Variants in EPB41L3 observed in about 807,000 individuals in gnomAD.
EPB41L3 encodes erythrocyte membrane protein band 4.1 like 3.
A neutral mutation model predicts 127.1 loss-of-function variants in EPB41L3; 57 were observed. The observed-to-expected ratio is 0.45, with a 90% CI of 0.36 to 0.56. The LOEUF (loss-of-function observed/expected upper bound fraction) is 0.56. Among genes scored for constraint, EPB41L3 ranks in the 20% least tolerant of loss-of-function variants. The pLI is 0.00. For synonymous variants in EPB41L3, 572 were observed against 549.5 expected, an observed-to-expected ratio of 1.04 and a Z score of -0.57; for missense variants, 1,273 against 1,372.2, an observed-to-expected ratio of 0.93 and a Z score of 1.14.
chr18:5,467,855 G>T (rs1255925466), intron 3 of EPB41L3, among the ~76,000 whole-genome samples: 1 of 152,182 alleles, frequency 6.6e-6, no homozygotes, highest in Non-Finnish European at 1.5e-5. Flanking sequence ...GGCCAAGACT[G>T]CACGCTCCAC....
chr18:5,431,596 A>T (rs1053010214), intron 8 of EPB41L3, among the ~76,000 whole-genome samples: 1 of 152,222 alleles, frequency 6.6e-6, no homozygotes, highest in Non-Finnish European at 1.5e-5. Context: ...AGAAACACTG[A>T]TACATCCTGA....
intron 2 of EPB41L3, chr18:5,480,213 A>AT (rs2088148559): frequency 6.6e-6 from 1 of 152,210 alleles, no homozygotes; most frequent in Admixed American, 6.5e-5. Flanking sequence ...CTTTCAAAGG[A>AT]TAGGCATTGT....
At position 5,475,654 on chromosome 18, in the gene EPB41L3, C is replaced by T. The variant is rs182055957; in HGVS notation, c.381+2587G>A. Among the ~76,000 whole-genome samples the T allele has an allele frequency of 8.5e-5, 13 of 152,322 alleles. 1 individual carries two copies. The highest frequency in any genetic ancestry group is 4.6e-4 in the Admixed American group (7 of 15,310). The stretch of plus-strand genomic sequence containing the variant: ...TGTTACCAAGGCTGACTGCCCCTCT[C>T]GCAAACACATTTCCATTTTGTACTT... On this transcript the variant is annotated intron_variant, in intron 3 of 22. Coordinates refer to ENST00000341928, the MANE Select transcript of EPB41L3 (RefSeq NM_012307.5).
chr18:5,404,620 TA>T (rs996057037), intron 16 of EPB41L3, among the ~76,000 whole-genome samples: 8 of 152,036 alleles, frequency 5.3e-5, no homozygotes, highest in African/African-American at 9.7e-5. Context: ...ATTATAAATG[TA>T]AAAAAAACAT....
rs746983484 is a variant in EPB41L3 at position 5,397,219 on chromosome 18, C to G, written c.2680G>C (p.Gly894Arg). 168 of 1,614,060 alleles carry G rather than the reference C, an allele frequency of 1.0e-4. 1 individual carries two copies. The Admixed American group carries it at 2.8e-3, about 27-fold the overall frequency. ...TTAGCCCCCTCCGTCAAGGCAGAGC[C>G]CTCTTTCCCTTTAATGCCTGTGAAT... ...PAFTGIKGKE[G>R]SALTEGAKEE... The change falls in exon 18 of 23, where the codon GGC becomes CGC. Residue 894 changes from glycine (G) to arginine (R), a missense_variant. Physicochemically the swap from Gly to Arg is moderately radical, Grantham distance 125 (BLOSUM62 -2). This residue lies in a region of EPB41L3 where 765 missense variants were observed against 782.9 expected (regional missense o/e 0.98). Transcript: ENST00000341928. This position sits in a 1 kb window ranked among gnomAD's most constrained non-coding sequence, Gnocchi z 4.1.
At chr18:5,541,000 G>C (rs1165203855) in intron 1 of EPB41L3, among the ~76,000 whole-genome samples, 2 of 151,300 alleles carry the variant, frequency 1.3e-5, no homozygotes, top group African/African-American at 4.9e-5. Context: ...CAGGAGAATG[G>C]CGTGAACCCG....
At position 5,619,378 on chromosome 18, in the gene EPB41L3, T is replaced by C. The variant is rs529573938; in HGVS notation, c.-467-4955A>G. 2.0e-5 allele frequency among the ~76,000 whole-genome samples: 3 copies of C among 152,338 alleles called. No homozygotes were observed. In the East Asian group the frequency reaches 5.8e-4, roughly 29 times the overall value. ...CTTTTTTATGTTTTTTTTCTATTAT[T>C]AATCCTTTTCCTTAGTCTTACTAAC... On this transcript the variant is annotated intron_variant, in intron 1 of 21. Coordinates refer to the EPB41L3 transcript ENST00000545076.
At chr18:5,424,927 A>G (rs1455670635) in intron 9 of EPB41L3, among the ~76,000 whole-genome samples, 1 of 152,162 alleles carries the variant, frequency 6.6e-6, no homozygotes. Context: ...TCTCTATATC[A>G]TACGTAAGAT....
At chr18:5,488,731 T>C (rs1017125279) in intron 2 of EPB41L3, 1 of 394,538 alleles carries the variant, frequency 2.5e-6, no homozygotes, top group Non-Finnish European at 4.4e-6. Context: ...GTGTCTATCT[T>C]TCCTCTAAAT....
intron 3 of EPB41L3, among the ~76,000 whole-genome samples, chr18:5,591,290 C>G (rs899741293): frequency 6.6e-6 from 1 of 152,136 alleles, no homozygotes; most frequent in Admixed American, 6.5e-5. Flanking sequence ...AACCTATAAA[C>G]AACAGAAATT....
intron 3 of EPB41L3, among the ~76,000 whole-genome samples, chr18:5,592,115 C>CA (rs1315860281): frequency 1.8e-4 from 27 of 152,286 alleles, no homozygotes; most frequent in African/African-American, 6.5e-4. Context: ...AGTTATGCTA[C>CA]AAAAACTTGC....
intron 3 of EPB41L3, chr18:5,467,349 G>A (rs2085182239): frequency 6.6e-6 from 1 of 150,932 alleles, no homozygotes; most frequent in South Asian, 2.1e-4. Context: ...TTAGAAATTA[G>A]GTTTAAGAAA....
chr18:5,630,617 T>C, upstream of EPB41L3: 1 of 465,644 alleles, frequency 2.1e-6, no homozygotes, highest in East Asian at 6.5e-5. Context: ...GCAGCTGCGG[T>C]GGCGGCACCT....
At chr18:5,538,244 G>C (rs1202934564) in intron 1 of EPB41L3, among the ~76,000 whole-genome samples, 1 of 152,212 alleles carries the variant, frequency 6.6e-6, no homozygotes, top group Non-Finnish European at 1.5e-5. Flanking sequence ...AGTTACTGCT[G>C]TCTATGCTTT....
chr18:5,519,007 C>T (rs145026110), intron 1 of EPB41L3, among the ~76,000 whole-genome samples: 2 of 152,144 alleles, frequency 1.3e-5, no homozygotes, highest in Non-Finnish European at 2.9e-5. Flanking sequence ...TCGGCAAAGA[C>T]GTCATCTCAG....
chr18:5,603,630 C>A (rs2094613589), intron 3 of EPB41L3, among the ~76,000 whole-genome samples: 2 of 152,140 alleles, frequency 1.3e-5, no homozygotes, highest in East Asian at 3.9e-4. Context: ...CACGCCTAAT[C>A]TCAGCACTTT....
intron 13 of EPB41L3, among the ~76,000 whole-genome samples, chr18:5,414,151 A>G (rs2076516978): frequency 6.6e-6 from 1 of 152,246 alleles, no homozygotes; most frequent in Non-Finnish European, 1.5e-5. Context: ...CTAATAAATA[A>G]TAACATTGTA....
At chr18:5,422,106 T>C (rs2077548093) in intron 11 of EPB41L3, among the ~76,000 whole-genome samples, 1 of 152,182 alleles carries the variant, frequency 6.6e-6, no homozygotes, top group Admixed American at 6.5e-5. Context: ...TTATTCCTAT[T>C]ATACAGATGA....
chr18:5,541,873 T>C (rs186646281), intron 1 of EPB41L3, among the ~76,000 whole-genome samples: 7 of 152,374 alleles, frequency 4.6e-5, no homozygotes, highest in African/African-American at 9.6e-5. Context: ...GGATGAATTA[T>C]TCACAAAACA....
Sources: gnomAD v4.1 joint callset for allele counts (sites outside exome capture counted in the v4.1 genomes callset) on GRCh38, gnomAD v4.1.1 for gene constraint, gnomAD v4.1.1 regional missense constraint, Gnocchi (gnomAD v3.1) non-coding constraint, MANE v1.5 for transcripts, NCBI Gene and HGNC (gene_info 2026-07-23, HGNC 2026-07-21) for gene names.